SH2D4A: variants seen among roughly 807,000 people sequenced by gnomAD.
SH2D4A encodes SH2 domain-containing protein 4A.
In SH2D4A, 70 loss-of-function variants were observed where a neutral mutation model predicts 64.7. The ratio of observed to expected loss-of-function variants is 1.08; its 90% confidence interval spans 0.89 to 1.32. The LOEUF (loss-of-function observed/expected upper bound fraction) is 1.32, where lower values mean the gene tolerates loss of function less well. Ranked by LOEUF, SH2D4A falls within the 40% of genes most tolerant of loss-of-function variation. The pLI is 0.00. For missense variants in SH2D4A, 706 were observed against 540.1 expected (o/e 1.31, Z -3.04); for synonymous variants, 268 against 200.7 (o/e 1.34, Z -2.83).
intron 2 of SH2D4A, among the ~76,000 whole-genome samples, chr8:19,323,306 T>C (rs1474977312): frequency 6.6e-6 from 1 of 152,006 alleles, no homozygotes; most frequent in African/African-American, 2.4e-5. Context: ...AATTGTATAT[T>C]CCTTATATAT....
At chr8:19,355,948 GTTAT>G (rs1309073035) in intron 4 of SH2D4A, among the ~76,000 whole-genome samples, 2 of 152,144 alleles carry the variant, frequency 1.3e-5, no homozygotes, top group African/African-American at 4.8e-5. Context: ...TACAATAAAA[GTTAT>G]TTATTTGTCT....
intron 8 of SH2D4A, among the ~76,000 whole-genome samples, chr8:19,389,021 G>A (rs2053437949): frequency 6.6e-6 from 1 of 152,200 alleles, no homozygotes; most frequent in Non-Finnish European, 1.5e-5. Context: ...TTGACCACTT[G>A]AGTGCTCAGA....
chr8:19,394,795 C>G lies in SH2D4A; in HGVS notation c.*153C>G. 2.3e-6 allele frequency: 1 copy of G among 436,606 alleles called. No homozygotes were observed. Among genetic ancestry groups the G allele is most frequent in the Non-Finnish European group, 4.0e-6 (1 of 248,778 alleles). 27.0% of individuals were successfully genotyped at this position (436,606 alleles called of 1,614,324 possible). On this transcript the variant is annotated 3_prime_UTR_variant, in exon 10 of 10. Transcript: ENST00000265807. ...GTATCCATGGAGTCCTCATTGACAC[C>G]TCTTTTCTGCACAAATACTGGAATT...
chr8:19,373,306 C>T (rs2053134801), intron 7 of SH2D4A, among the ~76,000 whole-genome samples: 1 of 137,848 alleles, frequency 7.3e-6, no homozygotes, highest in African/African-American at 3.5e-5. Context: ...TTCCCTCTCC[C>T]TCCCATTCTC....
At chr8:19,342,824 G>A (rs1585161060) in intron 4 of SH2D4A, among the ~76,000 whole-genome samples, 1 of 152,182 alleles carries the variant, frequency 6.6e-6, no homozygotes, top group Non-Finnish European at 1.5e-5. Flanking sequence ...AAATTAAACA[G>A]AAAAGCTTTT....
At chr8:19,381,185 A>C (rs985104360) in intron 8 of SH2D4A, among the ~76,000 whole-genome samples, 3 of 151,794 alleles carry the variant, frequency 2.0e-5, no homozygotes, top group Non-Finnish European at 4.4e-5. Flanking sequence ...GAGTAGCTGG[A>C]ATTAAAGGCA....
intron 5 of SH2D4A, 50 bp downstream of exon 5, chr8:19,357,333 C>T (rs1585177428): frequency 7.9e-7 from 1 of 1,268,378 alleles, no homozygotes; most frequent in Non-Finnish European, 1.1e-6. Flanking sequence ...TAGGCATTTC[C>T]ACTAATGTTT....
chr8:19,353,246 C>T (rs1335210321), intron 4 of SH2D4A, among the ~76,000 whole-genome samples: 1 of 151,982 alleles, frequency 6.6e-6, no homozygotes, highest in Non-Finnish European at 1.5e-5. Context: ...GACATGGTAC[C>T]CTCTTTGAAA....
chr8:19,368,332 G>A (rs538634087), intron 7 of SH2D4A, among the ~76,000 whole-genome samples: 2 of 152,038 alleles, frequency 1.3e-5, no homozygotes, highest in Non-Finnish European at 2.9e-5. Context: ...AATTGTTCTG[G>A]CAATTCGTAG....
intron 7 of SH2D4A, among the ~76,000 whole-genome samples, chr8:19,365,766 G>C (rs1462423856): frequency 6.6e-6 from 1 of 151,960 alleles, no homozygotes. Flanking sequence ...TTGACACAGG[G>C]ATGGCAGAGG....
chr8:19,333,811 G>T (rs996970976), intron 3 of SH2D4A, among the ~76,000 whole-genome samples: 1 of 152,190 alleles, frequency 6.6e-6, no homozygotes, highest in African/African-American at 2.4e-5. Flanking sequence ...AACCTTGAAA[G>T]GAGTGGTTTT....
chr8:19,342,092 C>G (rs2052538679), intron 4 of SH2D4A, among the ~76,000 whole-genome samples: 1 of 152,092 alleles, frequency 6.6e-6, no homozygotes, highest in African/African-American at 2.4e-5. Flanking sequence ...TTTATTTGTA[C>G]TGATTTATCA....
At chr8:19,346,578 C>G (rs2052617881) in intron 4 of SH2D4A, among the ~76,000 whole-genome samples, 1 of 152,186 alleles carries the variant, frequency 6.6e-6, no homozygotes, top group Admixed American at 6.5e-5. Flanking sequence ...GCACTTGAAT[C>G]ATCCCGAAGC....
chr8:19,320,958 A>G (rs552586533), intron 2 of SH2D4A, among the ~76,000 whole-genome samples: 1 of 152,352 alleles, frequency 6.6e-6, no homozygotes, highest in South Asian at 2.1e-4. Flanking sequence ...AGGTCAGTGT[A>G]GCGTCCTTTA....
chr8:19,359,592 G>T (rs974006293), intron 5 of SH2D4A, among the ~76,000 whole-genome samples: 4 of 152,158 alleles, frequency 2.6e-5, no homozygotes, highest in African/African-American at 9.7e-5. Flanking sequence ...TCAATCAAAG[G>T]ATGGCAAATT....
At chr8:19,315,493 C>T (rs1338955104) in intron 1 of SH2D4A, among the ~76,000 whole-genome samples, 1 of 152,156 alleles carries the variant, frequency 6.6e-6, no homozygotes, top group Non-Finnish European at 1.5e-5. Flanking sequence ...TTGTTTAGGT[C>T]TCAGAGTTAT....
intron 1 of SH2D4A, chr8:19,314,212 C>A: frequency 1.6e-6 from 1 of 638,862 alleles, no homozygotes; most frequent in Non-Finnish European, 2.0e-6. Context: ...CGTGCTTCCA[C>A]CCGCGGGGAG....
chr8:19,340,043 C>T (rs2052503604), intron 4 of SH2D4A, among the ~76,000 whole-genome samples: 1 of 152,098 alleles, frequency 6.6e-6, no homozygotes, highest in Non-Finnish European at 1.5e-5. Flanking sequence ...TTCTGTTCAC[C>T]CCAATTACAT....
intron 8 of SH2D4A, chr8:19,375,010 T>A (rs776941392): frequency 6.6e-6 from 1 of 152,152 alleles, no homozygotes; most frequent in Non-Finnish European, 1.5e-5. Context: ...TGGAAAATGA[T>A]GGTTGTTATT....
Sources: gnomAD v4.1 joint callset for allele counts (sites outside exome capture counted in the v4.1 genomes callset) on GRCh38, gnomAD v4.1.1 for gene constraint, MANE v1.5 for transcripts, NCBI Gene and HGNC (gene_info 2026-07-23, HGNC 2026-07-21) for gene names.